SSBP3: variants seen among roughly 807,000 people sequenced by gnomAD.
SSBP3 encodes single stranded DNA binding protein 3, also known as single-stranded DNA-binding protein 3.
A neutral mutation model predicts 69.6 loss-of-function variants in SSBP3; 5 were observed. The observed-to-expected ratio is 0.07, with a 90% CI of 0.04 to 0.15. The LOEUF (loss-of-function observed/expected upper bound fraction) is 0.15. Ranked by LOEUF, SSBP3 falls within the 10% of genes least tolerant of loss-of-function variation. SSBP3 has a pLI of 1.00. For synonymous variants in SSBP3, 196 were observed against 193.4 expected, an observed-to-expected ratio of 1.01 and a Z score of -0.11; for missense variants, 312 against 534.0, an observed-to-expected ratio of 0.58 and a Z score of 4.10.
intron 4 of SSBP3, among the ~76,000 whole-genome samples, chr1:54,385,697 T>A (rs1648030102): frequency 6.6e-6 from 1 of 152,232 alleles, no homozygotes; most frequent in African/African-American, 2.4e-5. Flanking sequence ...AGCCTCTCAT[T>A]CTTTCATTCC....
chr1:54,302,129 C>G (rs567445194), intron 4 of SSBP3, among the ~76,000 whole-genome samples: 2 of 152,356 alleles, frequency 1.3e-5, no homozygotes, highest in African/African-American at 4.8e-5. Flanking sequence ...TGCGCAAGGA[C>G]ACCTTCATTC....
chr1:54,306,007 C>T (rs1210218663), intron 4 of SSBP3, among the ~76,000 whole-genome samples: 1 of 151,630 alleles, frequency 6.6e-6, no homozygotes, highest in Non-Finnish European at 1.5e-5. Context: ...GGGGAAACAC[C>T]ACATTCCTCG....
intron 11 of SSBP3, 102 bp from the exon 12 acceptor site, chr1:54,241,611 G>A (rs1644639888): frequency 1.3e-5 from 17 of 1,276,906 alleles, no homozygotes; most frequent in South Asian, 1.2e-4. Context: ...GAAAGGCATC[G>A]CCACCCAGTG....
upstream of SSBP3, among the ~76,000 whole-genome samples, chr1:54,409,306 T>G (rs983783921): frequency 2.0e-5 from 3 of 152,136 alleles, no homozygotes; most frequent in South Asian, 6.2e-4. Flanking sequence ...CCTGTCCTTC[T>G]GTCCCTCCAA....
At position 54,234,469 on chromosome 1, in the gene SSBP3, T is replaced by A. The variant is rs1644451780; in HGVS notation, c.927+4660A>T. Among the ~76,000 whole-genome samples the A allele has an allele frequency of 2.0e-5, 3 of 152,084 alleles. No individual in the cohort carries two copies. In the South Asian group the frequency reaches 6.2e-4, roughly 32 times the overall value. ...CGGGTGTGGTGGCACGTGCCTGTAG[T>A]CCCAGCTACTCAGGAAGCTGTGGTG... On this transcript the variant is annotated intron_variant, in intron 14 of 17. Transcript: ENST00000610401.
intron 4 of SSBP3, among the ~76,000 whole-genome samples, chr1:54,337,743 C>T (rs1314727828): frequency 6.6e-6 from 1 of 151,972 alleles, no homozygotes; most frequent in Non-Finnish European, 1.5e-5. Context: ...TGATCACCTG[C>T]CTTGGCCTCC....
chr1:54,237,686 G>A (rs143317515), intron 14 of SSBP3: 265 of 159,158 alleles, frequency 1.7e-3, no homozygotes, highest in African/African-American at 6.0e-3. Flanking sequence ...CATTGTCACC[G>A]TTCTCATTTT....
chr1:54,322,852 A>G (rs1402597843), intron 4 of SSBP3, among the ~76,000 whole-genome samples: 1 of 152,170 alleles, frequency 6.6e-6, no homozygotes, highest in Non-Finnish European at 1.5e-5. Flanking sequence ...AGCACCCAAC[A>G]TAAAACAGGA....
At position 54,386,663 on chromosome 1, in the gene SSBP3, CA is replaced by C. The variant is rs549708202; in HGVS notation, c.276+15197del. Among the ~76,000 whole-genome samples the C allele has an allele frequency of 5.7e-3, 693 of 121,452 alleles. 5 individuals carry two copies. The highest frequency in any genetic ancestry group is 0.022 in the African/African-American group (661 of 30,114). The allele number at this position is 121,452 out of a possible 152,430, so 79.7% of individuals were successfully genotyped here. ...AAATTCTCTGGCTAGCTTCAATCCACAATGTATAAACTGATCCTACTTTTTT... is the reference window on the plus strand; with the variant it reads ...AAATTCTCTGGCTAGCTTCAATCCACATGTATAAACTGATCCTACTTTTTT... On this transcript the variant is annotated intron_variant, in intron 4 of 17. Transcript: ENST00000610401.
chr1:54,314,622 T>C (rs182301801), intron 4 of SSBP3, among the ~76,000 whole-genome samples: 1 of 152,346 alleles, frequency 6.6e-6, no homozygotes, highest in Admixed American at 6.5e-5. Flanking sequence ...CATGCTTCCC[T>C]AGACAAAGAT....
In SSBP3 at chr1:54,228,238, CA is replaced by C. The variant is rs1296806305; in HGVS notation, c.1137+16del. ...AGGCCGTGGGGACGAGAGCAACAGGCAGGGGGCGAGGCTTACATTGTCGTTC... is the reference window on the plus strand; with the variant it reads ...AGGCCGTGGGGACGAGAGCAACAGGCGGGGGCGAGGCTTACATTGTCGTTC... On this transcript the variant is annotated intron_variant, in intron 17 of 17. Coordinates refer to ENST00000610401, the Ensembl canonical transcript of SSBP3. 3.1e-6 allele frequency: 5 copies of C among 1,611,550 alleles called. No homozygotes were observed. Among genetic ancestry groups the C allele is most frequent in the Non-Finnish European group, 4.2e-6 (5 of 1,178,090 alleles).
chr1:54,228,209 C>A (rs924178794), intron 17 of SSBP3, 46 bp downstream of exon 17: 2 of 1,565,358 alleles, frequency 1.3e-6, no homozygotes, highest in South Asian at 1.1e-5. Flanking sequence ...AGGAAAGAGT[C>A]CCCAGGCCGT....
At chr1:54,410,769 G>A (rs890871509), upstream of SSBP3, among the ~76,000 whole-genome samples, 14 of 152,206 alleles carry the variant, frequency 9.2e-5, no homozygotes, top group African/African-American at 3.4e-4. Context: ...TAATGCCTAT[G>A]CCAAAGGCAG....
At chr1:54,249,724 T>A (rs1171350315) in intron 9 of SSBP3, among the ~76,000 whole-genome samples, 2 of 42,142 alleles carry the variant, frequency 4.7e-5, no homozygotes, top group South Asian at 7.9e-4. Context: ...TTAAAAAAAC[T>A]TTTAATAAAA....
Position 54,347,345 on chromosome 1 carries a change from G to GA in SSBP3, c.276+54515_276+54516insT, listed in dbSNP as rs1173312306. ...TAAATACTAGGTAAATAGTTGTTAG[G>GA]CTGTTTTTTAATTTGTCCCCTTTTT... is the stretch of plus-strand genomic sequence containing the variant. On this transcript the variant is annotated intron_variant, in intron 4 of 17. Coordinates refer to ENST00000610401, the Ensembl canonical transcript of SSBP3. 3.3e-5 allele frequency among the ~76,000 whole-genome samples: 5 copies of GA among 150,760 alleles called. No individual in the cohort carries two copies. The South Asian group carries it at 6.3e-4, about 19-fold the overall frequency.
intron 7 of SSBP3, among the ~76,000 whole-genome samples, chr1:54,254,729 C>T (rs979118642): frequency 6.6e-6 from 1 of 152,234 alleles, no homozygotes; most frequent in Non-Finnish European, 1.5e-5. Context: ...TCAAGAAAGC[C>T]CCAGGGTCAA....
chr1:54,251,921 G>C, intron 7 of SSBP3, 61 bp from the exon 8 acceptor site: 1 of 1,437,664 alleles, frequency 7.0e-7, no homozygotes, highest in Non-Finnish European at 9.7e-7. Flanking sequence ...CATGGGGACA[G>C]GCATCTACCT....
intron 4 of SSBP3, among the ~76,000 whole-genome samples, chr1:54,375,618 T>C (rs1052849225): frequency 6.6e-6 from 1 of 152,186 alleles, no homozygotes; most frequent in African/African-American, 2.4e-5. Flanking sequence ...AAACCATTCA[T>C]GAGAGGCGCC....
chr1:54,272,884 C>T lies in SSBP3; in HGVS notation c.366+8554G>A, dbSNP rs531865309. Among the ~76,000 whole-genome samples the T allele has an allele frequency of 4.6e-5, 7 of 152,354 alleles. No homozygotes were observed. The South Asian group carries it at 8.3e-4, about 18-fold the overall frequency. On this transcript the variant is annotated intron_variant, in intron 5 of 17. Transcript: ENST00000610401. ...ATCAGATCCACAGAAGCCAGAGATT[C>T]GGGAGTCAGTTTACACCCCCAGTGA...
Sources: gnomAD v4.1 joint callset for allele counts (sites outside exome capture counted in the v4.1 genomes callset) on GRCh38, gnomAD v4.1.1 for gene constraint, MANE v1.5 for transcripts, NCBI Gene and HGNC (gene_info 2026-07-23, HGNC 2026-07-21) for gene names.